The following TENM2 variants were observed in gnomAD, a reference collection of about 807,000 sequenced individuals.
TENM2 encodes the protein teneurin-2.
In TENM2, 52 loss-of-function variants were observed where a neutral mutation model predicts 245.2. The ratio of observed to expected loss-of-function variants is 0.21; its 90% CI spans 0.17 to 0.27. The LOEUF is 0.27. TENM2 is among the 10% of genes least tolerant of loss of function. TENM2 has a pLI of 1.00. For synonymous variants in TENM2, 1,363 were observed against 1,438.9 expected, an observed-to-expected ratio of 0.95 and a Z score of 1.19; for missense variants, 3,046 against 3,666.8, an observed-to-expected ratio of 0.83 and a Z score of 4.37.
the TENM2 span, among the ~76,000 whole-genome samples, chr5:167,156,066 G>A: frequency 3.3e-5 from 5 of 152,152 alleles, no homozygotes; most frequent in Non-Finnish European, 7.4e-5. Context: ...TTGTCTAGTT[G>A]CTAAGGAATA....
chr5:167,463,112 T>G (rs2127496217), intron 2 of TENM2, among the ~76,000 whole-genome samples: 1 of 152,310 alleles, frequency 6.6e-6, no homozygotes, highest in African/African-American at 2.4e-5. Flanking sequence ...GAGATGTTTA[T>G]AAGGCATATA....
intron 2 of TENM2, among the ~76,000 whole-genome samples, chr5:167,425,860 A>G (rs965389968): frequency 6.6e-6 from 1 of 152,200 alleles, no homozygotes; most frequent in Non-Finnish European, 1.5e-5. Flanking sequence ...AGTGCCTGAC[A>G]GTGAGTGCTC....
chr5:167,400,351 G>A (rs1283866806), intron 2 of TENM2, among the ~76,000 whole-genome samples: 1 of 152,040 alleles, frequency 6.6e-6, no homozygotes, highest in Non-Finnish European at 1.5e-5. Flanking sequence ...TAGAGAGAGG[G>A]AGGATTCTAG....
At chr5:167,232,234 A>G in the TENM2 span, among the ~76,000 whole-genome samples, 1 of 152,168 alleles carries the variant, frequency 6.6e-6, no homozygotes, top group Admixed American at 6.5e-5. Flanking sequence ...TGGAGCTGTG[A>G]GAAGATGGCC....
chr5:168,228,534 G>A (rs143997698), intron 25 of TENM2, among the ~76,000 whole-genome samples: 91 of 83,828 alleles, frequency 1.1e-3, no homozygotes, highest in Non-Finnish European at 1.2e-3. Context: ...ATTGGTGTTC[G>A]TGCCTACTAT....
chr5:167,348,598 A>T (rs1023954620), intron 1 of TENM2, among the ~76,000 whole-genome samples: 3 of 152,214 alleles, frequency 2.0e-5, no homozygotes, highest in African/African-American at 7.2e-5. Context: ...TACAGGATTA[A>T]AAAACCTCAA....
At chr5:168,094,651 A>G (rs1056829282) in intron 8 of TENM2, among the ~76,000 whole-genome samples, 1 of 151,736 alleles carries the variant, frequency 6.6e-6, no homozygotes, top group Non-Finnish European at 1.5e-5. Flanking sequence ...TTTTCCTGCA[A>G]CTAGATGATC....
intron 2 of TENM2, 78 bp downstream of exon 4, chr5:167,375,551 T>C (rs1337027336): frequency 3.5e-5 from 49 of 1,401,342 alleles, no homozygotes; most frequent in Non-Finnish European, 7.8e-6. Context: ...TGTTTTTTAA[T>C]GAAGCGGCGT....
intron 2 of TENM2, among the ~76,000 whole-genome samples, chr5:167,778,125 T>A (rs1763938103): frequency 6.6e-6 from 1 of 152,118 alleles, no homozygotes; most frequent in Non-Finnish European, 1.5e-5. Flanking sequence ...CTGCAAGGGA[T>A]CCATCAAGGT....
the TENM2 span, among the ~76,000 whole-genome samples, chr5:167,257,581 G>A: frequency 1.8e-4 from 27 of 151,356 alleles, no homozygotes; most frequent in African/African-American, 4.8e-4. Flanking sequence ...GAGGCGAAGC[G>A]AAGAGTCTAG....
At chr5:167,872,350 G>GAAAT (rs1361334542) in intron 2 of TENM2, among the ~76,000 whole-genome samples, 1 of 95,208 alleles carries the variant, frequency 1.1e-5, no homozygotes, top group Non-Finnish European at 2.3e-5. Flanking sequence ...AAGAAAGAAA[G>GAAAT]AAAGGAAAGA....
At chr5:167,304,875 A>T (rs1247411747) in intron 1 of TENM2, among the ~76,000 whole-genome samples, 3 of 152,206 alleles carry the variant, frequency 2.0e-5, no homozygotes, top group African/African-American at 4.8e-5. Flanking sequence ...CAGAATAGGA[A>T]GTTATAAACA....
At chr5:166,982,739 A>G in the TENM2 span, among the ~76,000 whole-genome samples, 1 of 151,728 alleles carries the variant, frequency 6.6e-6, no homozygotes, top group African/African-American at 2.4e-5. Flanking sequence ...AGTATATACC[A>G]CAGATTCCCA....
At chr5:167,333,858 C>G (rs989936615) in intron 1 of TENM2, among the ~76,000 whole-genome samples, 2 of 152,036 alleles carry the variant, frequency 1.3e-5, no homozygotes, top group Non-Finnish European at 1.5e-5. Context: ...CCAGTGGGTA[C>G]CTTGGCTTCA....
At chr5:167,470,299 C>T (rs1034347043) in intron 2 of TENM2, among the ~76,000 whole-genome samples, 3 of 151,758 alleles carry the variant, frequency 2.0e-5, no homozygotes, top group Non-Finnish European at 2.9e-5. Flanking sequence ...AATATAATTG[C>T]CTATATTTTG....
chr5:166,999,302 A>C, the TENM2 span, among the ~76,000 whole-genome samples: 1 of 152,150 alleles, frequency 6.6e-6, no homozygotes, highest in East Asian at 1.9e-4. Flanking sequence ...AGGAAAGAGG[A>C]AAAAAGTATG....
intron 2 of TENM2, among the ~76,000 whole-genome samples, chr5:167,457,628 G>A (rs1353137363): frequency 6.6e-6 from 1 of 152,116 alleles, no homozygotes; most frequent in Non-Finnish European, 1.5e-5. Context: ...TTACAGGCAT[G>A]AGCTACCACG....
At chr5:167,777,141 A>G (rs1439379026) in intron 2 of TENM2, among the ~76,000 whole-genome samples, 1 of 152,206 alleles carries the variant, frequency 6.6e-6, no homozygotes, top group Non-Finnish European at 1.5e-5. Context: ...ATATGTTTAT[A>G]TGTTTTACAG....
chr5:167,686,202 A>C (rs1757065510), intron 2 of TENM2, among the ~76,000 whole-genome samples: 1 of 152,208 alleles, frequency 6.6e-6, no homozygotes, highest in Non-Finnish European at 1.5e-5. Flanking sequence ...TGAGAAGGAT[A>C]GGCTATTTCC....
Sources: gnomAD v4.1 joint callset for allele counts (sites outside exome capture counted in the v4.1 genomes callset) on GRCh38, gnomAD v4.1.1 for gene constraint, MANE v1.5 for transcripts, NCBI Gene and HGNC (gene_info 2026-07-23, HGNC 2026-07-21) for gene names.